The following ME3 variants were observed in gnomAD, a reference collection of about 807,000 sequenced individuals.
ME3 encodes malic enzyme 3.
ME3 carries 48 observed loss-of-function variants against 68.9 expected under a neutral mutation model. The ratio of observed to expected loss-of-function variants is 0.70; its 90% confidence interval spans 0.55 to 0.89. ME3 has a LOEUF of 0.89. ME3 is among the 40% of genes least tolerant of loss of function. The pLI is 0.00. For synonymous variants in ME3, 320 were observed against 318.8 expected, an observed-to-expected ratio of 1.00 and a Z score of -0.04; for missense variants, 675 against 797.4, an observed-to-expected ratio of 0.85 and a Z score of 1.85.
chr11:86,615,918 A>T (rs1186520457), intron 2 of ME3, among the ~76,000 whole-genome samples: 2 of 152,184 alleles, frequency 1.3e-5, no homozygotes, highest in Non-Finnish European at 2.9e-5. Flanking sequence ...AATAACAATT[A>T]AAAAAACTCA....
intron 5 of ME3, among the ~76,000 whole-genome samples, chr11:86,503,130 C>T (rs977026824): frequency 1.3e-5 from 2 of 152,310 alleles, no homozygotes; most frequent in Middle Eastern, 3.4e-3. Flanking sequence ...TTCCACTTCT[C>T]CCTTGCAAAG....
intron 2 of ME3, among the ~76,000 whole-genome samples, chr11:86,578,423 C>T (rs1179090419): frequency 6.6e-6 from 1 of 152,094 alleles, no homozygotes; most frequent in African/African-American, 2.4e-5. Flanking sequence ...AACAAACAGA[C>T]ACACTTTGGG....
At chr11:86,573,701 C>CTT (rs998696851) in intron 2 of ME3, among the ~76,000 whole-genome samples, 3 of 150,492 alleles carry the variant, frequency 2.0e-5, no homozygotes, top group African/African-American at 7.5e-5. Flanking sequence ...GCATCCTTGT[C>CTT]TTGTGTCGGT....
intron 7 of ME3, among the ~76,000 whole-genome samples, chr11:86,475,713 G>A (rs1951020382): frequency 6.6e-6 from 1 of 151,872 alleles, no homozygotes; most frequent in Non-Finnish European, 1.5e-5. Context: ...TAAAAAGTGA[G>A]GAAATTGGAT....
chr11:86,587,487 C>T (rs1958807533), intron 2 of ME3, among the ~76,000 whole-genome samples: 1 of 152,194 alleles, frequency 6.6e-6, no homozygotes, highest in Non-Finnish European at 1.5e-5. Flanking sequence ...GTGCTGTGCT[C>T]ACATGGTTGC....
At chr11:86,447,950 G>T (rs952151855) in intron 11 of ME3, among the ~76,000 whole-genome samples, 200 bp downstream of exon 11, 7 of 151,730 alleles carry the variant, frequency 4.6e-5, no homozygotes, top group Non-Finnish European at 7.4e-5. Context: ...GCATCACTGA[G>T]CCCTAAATCT....
intron 2 of ME3, among the ~76,000 whole-genome samples, chr11:86,647,211 T>A (rs1945076871): frequency 6.6e-6 from 1 of 152,166 alleles, no homozygotes; most frequent in Non-Finnish European, 1.5e-5. Context: ...ATATTAACCT[T>A]AAATGTAAAT....
chr11:86,520,208 C>T (rs1292047263), intron 4 of ME3, among the ~76,000 whole-genome samples: 1 of 152,098 alleles, frequency 6.6e-6, no homozygotes, highest in Non-Finnish European at 1.5e-5. Flanking sequence ...GACTTTAGAG[C>T]CCAGGTGTAA....
At chr11:86,634,294 G>A (rs1286315535) in intron 2 of ME3, among the ~76,000 whole-genome samples, 1 of 152,140 alleles carries the variant, frequency 6.6e-6, no homozygotes, top group African/African-American at 2.4e-5. Context: ...CTCTACATGG[G>A]TACCACAGTC....
intron 4 of ME3, among the ~76,000 whole-genome samples, chr11:86,532,937 G>A (rs1594331473): frequency 6.6e-6 from 1 of 151,974 alleles, no homozygotes; most frequent in Non-Finnish European, 1.5e-5. Flanking sequence ...CTGTAATCCT[G>A]GCTACTCAGG....
At chr11:86,470,118 T>TA (rs948134567) in intron 7 of ME3, among the ~76,000 whole-genome samples, 3 of 152,306 alleles carry the variant, frequency 2.0e-5, no homozygotes, top group African/African-American at 7.2e-5. Context: ...GCTGCAGACC[T>TA]AGTTTCTCTT....
intron 2 of ME3, among the ~76,000 whole-genome samples, chr11:86,670,088 G>T (rs1946825011): frequency 6.6e-6 from 1 of 152,192 alleles, no homozygotes; most frequent in South Asian, 2.1e-4. Flanking sequence ...GGTGGGCTCT[G>T]ACCGGCTTTA....
intron 8 of ME3, among the ~76,000 whole-genome samples, chr11:86,451,106 A>G (rs1318461532): frequency 1.3e-5 from 2 of 152,242 alleles, no homozygotes; most frequent in South Asian, 2.1e-4. Context: ...CACAGCCCCA[A>G]TAAAAGGTAA....
chr11:86,529,495 T>C (rs1955035711), intron 4 of ME3, among the ~76,000 whole-genome samples: 1 of 152,200 alleles, frequency 6.6e-6, no homozygotes, highest in South Asian at 2.1e-4. Context: ...GAATCCTCCC[T>C]AACTCATTTT....
At chr11:86,656,017 A>G (rs1301817814) in intron 2 of ME3, among the ~76,000 whole-genome samples, 3 of 151,820 alleles carry the variant, frequency 2.0e-5, no homozygotes, top group Non-Finnish European at 4.4e-5. Context: ...ATCACTGGCC[A>G]TCAGAGAAAT....
chr11:86,517,790 C>G (rs1471465237), intron 4 of ME3, among the ~76,000 whole-genome samples: 4 of 152,090 alleles, frequency 2.6e-5, no homozygotes, highest in Non-Finnish European at 5.9e-5. Flanking sequence ...GACATTTGTT[C>G]CCAGGGCCTA....
rs146972671 is a variant in ME3, at chr11:86,600,368, A to G, written c.184-40545T>C. ...AAGAGACAAAGAAGGCCATTACATA[A>G]TGGTGAAGGGATCAATTCAACAAGA... On this transcript the variant is annotated intron_variant, in intron 2 of 14. Coordinates refer to ENST00000543262, the Ensembl canonical transcript of ME3. 3.5e-3 allele frequency among the ~76,000 whole-genome samples: 538 copies of G among 152,368 alleles called. 4 individuals are homozygous for G. The highest frequency in any genetic ancestry group is 0.012 in the African/African-American group (511 of 41,578).
intron 2 of ME3, chr11:86,622,990 G>A (rs1266725913): frequency 2.6e-5 from 4 of 152,146 alleles, no homozygotes; most frequent in African/African-American, 7.2e-5. Flanking sequence ...CAGTTAACAC[G>A]CCTGTAAAAT....
chr11:86,467,178 A>G (rs1255551356), intron 7 of ME3, among the ~76,000 whole-genome samples: 1 of 152,248 alleles, frequency 6.6e-6, no homozygotes, highest in Non-Finnish European at 1.5e-5. Context: ...GTGTGGTAAG[A>G]AAACTCAAGA....
Sources: allele counts gnomAD v4.1 joint callset (sites outside exome capture counted in the v4.1 genomes callset), GRCh38; gene constraint gnomAD v4.1.1; transcripts MANE v1.5; gene names NCBI Gene and HGNC (gene_info 2026-07-23, HGNC 2026-07-21).